The following SMAD1 variants were observed in gnomAD, a reference collection of about 807,000 sequenced individuals.
The protein encoded by SMAD1 is MAD, mothers against decapentaplegic homolog 1.
Under a neutral mutation model 41.6 loss-of-function variants are expected in SMAD1, and 6 were observed. The observed-to-expected ratio is 0.14, with a 90% CI of 0.08 to 0.28. The LOEUF (loss-of-function observed/expected upper bound fraction) is 0.28. Ranked by LOEUF, SMAD1 falls within the 10% of genes least tolerant of loss-of-function variation. The pLI is 1.00. For synonymous variants in SMAD1, 206 were observed against 203.2 expected, an observed-to-expected ratio of 1.01 and a Z score of -0.12; for missense variants, 379 against 582.6, an observed-to-expected ratio of 0.65 and a Z score of 3.60.
intron 2 of SMAD1, among the ~76,000 whole-genome samples, chr4:145,530,144 C>G (rs1731243665): frequency 6.6e-6 from 1 of 152,136 alleles, no homozygotes; most frequent in Non-Finnish European, 1.5e-5. Flanking sequence ...CATTACAGTC[C>G]AGGTGAAGTA....
At chr4:145,515,326 C>A (rs528232407) in intron 2 of SMAD1, among the ~76,000 whole-genome samples, 1 of 152,124 alleles carries the variant, frequency 6.6e-6, no homozygotes, top group African/African-American at 2.4e-5. Context: ...TGTTTTCTTT[C>A]TAAATTTATT....
intron 1 of SMAD1, among the ~76,000 whole-genome samples, chr4:145,496,056 T>C (rs1345413840): frequency 6.6e-6 from 1 of 152,192 alleles, no homozygotes; most frequent in Non-Finnish European, 1.5e-5. Context: ...TAATGTCTTA[T>C]TCTAAGCTCT....
In SMAD1 at chr4:145,482,497, C is replaced by CGCGCCGGCGGGGCGACCCCT. The variant is rs1560715829; in HGVS notation, c.-177+463_-177+482dup. 1 of 151,946 alleles carries CGCGCCGGCGGGGCGACCCCT rather than the reference C, an allele frequency of 6.6e-6. No homozygotes were observed. The allele number at this position is 151,946 out of a possible 1,614,324, so 9.4% of individuals were successfully genotyped here. A position where few individuals can be genotyped will look rare whatever the true frequency, so the allele number is the denominator to read the frequency against. ...TGGCCCGCGGACCCATTGTGTCCCC[C>CGCGCCGGCGGGGCGACCCCT]GCGCCGGCGGGGCGACCCCTGCGGG... On this transcript the variant is annotated intron_variant, in intron 1 of 6. Coordinates refer to ENST00000302085, the MANE Select transcript of SMAD1 (RefSeq NM_005900.3). This position sits in a 1 kb window ranked among gnomAD's most constrained non-coding sequence, Gnocchi z 4.2.
chr4:145,545,460 G>T (rs1732191533), intron 4 of SMAD1: 2 of 152,114 alleles, frequency 1.3e-5, no homozygotes, highest in Non-Finnish European at 2.9e-5. Context: ...TGCTTAGCAA[G>T]CAGGGAAGAT....
In SMAD1 at chr4:145,558,027, G is replaced by A; in HGVS notation, c.*93G>A. On this transcript the variant is annotated 3_prime_UTR_variant, in exon 7 of 7. Transcript: ENST00000302085. ...GACACGATTGAGAACTGACAAAGGA[G>A]CCTTGATAATACTTGACCTCTGTGA... 1 of 903,642 alleles carries A rather than the reference G, an allele frequency of 1.1e-6. No homozygotes were observed. Among genetic ancestry groups the A allele is most frequent in the Non-Finnish European group, 1.6e-6 (1 of 639,922 alleles). 56.0% of individuals were successfully genotyped at this position (903,642 alleles called of 1,614,324 possible).
chr4:145,484,184 C>G (rs994546495), intron 1 of SMAD1, among the ~76,000 whole-genome samples: 1 of 152,182 alleles, frequency 6.6e-6, no homozygotes, highest in Admixed American at 6.5e-5. Context: ...CATGTTTAAG[C>G]TGCAGTAGCC....
intron 1 of SMAD1, among the ~76,000 whole-genome samples, chr4:145,510,693 AGTT>A (rs1016982798): frequency 2.0e-5 from 3 of 152,162 alleles, no homozygotes; most frequent in African/African-American, 7.2e-5. Context: ...TGAATTGTAC[AGTT>A]GTTGAGTGCT....
chr4:145,507,885 A>C (rs919827905), intron 1 of SMAD1, among the ~76,000 whole-genome samples: 17 of 152,230 alleles, frequency 1.1e-4, no homozygotes, highest in Admixed American at 4.6e-4. Flanking sequence ...TCCTTATATG[A>C]GGTAGGTTAC....
Position 145,558,637 on chromosome 4 carries a change from A to T in SMAD1, c.*703A>T, listed in dbSNP as rs1257881975. Among the ~76,000 whole-genome samples the T allele has an allele frequency of 6.6e-6, 1 of 152,170 alleles. No individual in the cohort carries two copies. The highest frequency in any genetic ancestry group is 1.5e-5 in the Non-Finnish European group (1 of 68,034). ...AGGGAAATGACAACTGCAAATGTAG[A>T]CTATACTGTAAAAATTCAGTTTGTT... On this transcript the variant is annotated 3_prime_UTR_variant, in exon 7 of 7. Transcript: ENST00000302085.
rs542032508 is a variant in SMAD1, at chr4:145,527,514, C to T, written c.401-12290C>T. On this transcript the variant is annotated intron_variant, in intron 2 of 6. Coordinates refer to ENST00000302085, the MANE Select transcript of SMAD1 (RefSeq NM_005900.3). ...CTGGGATTACAGGCGTGAGCCACCG[C>T]GCCCGGCCCTATTCTCATTTAATTC... Among the ~76,000 whole-genome samples, 10 of 152,088 alleles carry T rather than the reference C, an allele frequency of 6.6e-5. 1 individual carries two copies. The highest frequency in any genetic ancestry group is 4.1e-4 in the South Asian group (2 of 4,832).
intron 1 of SMAD1, among the ~76,000 whole-genome samples, chr4:145,487,110 G>A (rs1430264623): frequency 6.6e-6 from 1 of 152,110 alleles, no homozygotes; most frequent in Non-Finnish European, 1.5e-5. Flanking sequence ...AGATGGAAAA[G>A]AAAAGCCCTA....
intron 2 of SMAD1, among the ~76,000 whole-genome samples, chr4:145,532,394 T>G (rs1195228467): frequency 6.6e-6 from 1 of 152,104 alleles, no homozygotes; most frequent in Non-Finnish European, 1.5e-5. Flanking sequence ...CATTTTCAAA[T>G]GGGTGGAGAG....
intron 1 of SMAD1, among the ~76,000 whole-genome samples, chr4:145,494,473 C>T (rs2126946338): frequency 6.6e-6 from 1 of 152,252 alleles, no homozygotes; most frequent in South Asian, 2.1e-4. Context: ...ACCTTATTAA[C>T]TCTTTAGACT....
In SMAD1 at chr4:145,542,574, C is replaced by T. The variant is rs1201786660; in HGVS notation, c.659-8C>T. ...GGTTAAGAAATAACTTCTTTAAAAA[C>T]TTTGTAGCTGATACGCCCCCACCTG... is the stretch of plus-strand genomic sequence containing the variant. On this transcript the variant is annotated splice_polypyrimidine_tract_variant and splice_region_variant and intron_variant, in intron 3 of 6. Coordinates refer to ENST00000302085, the MANE Select transcript of SMAD1 (RefSeq NM_005900.3). The T allele has an allele frequency of 1.3e-6, 2 of 1,577,596 alleles. No homozygotes were observed. The highest frequency in any genetic ancestry group is 8.7e-7 in the Non-Finnish European group (1 of 1,155,850).
chr4:145,485,053 A>G (rs1338179495), intron 1 of SMAD1, among the ~76,000 whole-genome samples: 1 of 152,112 alleles, frequency 6.6e-6, no homozygotes, highest in African/African-American at 2.4e-5. Flanking sequence ...AGTCACACGT[A>G]GCTTTTTTTG....
intron 2 of SMAD1, among the ~76,000 whole-genome samples, chr4:145,529,685 A>G (rs1431424987): frequency 6.6e-6 from 1 of 152,248 alleles, no homozygotes. Flanking sequence ...AATCAGGACC[A>G]ATACTGTGTA....
At chr4:145,535,281 C>G (rs1731548628) in intron 2 of SMAD1, among the ~76,000 whole-genome samples, 2 of 152,132 alleles carry the variant, frequency 1.3e-5, no homozygotes, top group South Asian at 4.1e-4. Flanking sequence ...GGGTACTTGA[C>G]AATAACAAAG....
Position 145,539,881 on chromosome 4 carries a change from G to C in SMAD1, c.478G>C (p.Gly160Arg). ...CCTCTTAGCTCAGTTCCGTAACTTA[G>C]GACAAAATGAGCCTCACATGCCACT... is the stretch of plus-strand genomic sequence containing the variant. ...HSLLAQFRNLGQNEPHMPLNA... is the reference protein window; with the variant it reads ...HSLLAQFRNLRQNEPHMPLNA... Residue 160 changes from glycine (G) to arginine (R), a missense_variant, in exon 3 of 7, where the codon GGA becomes CGA. Transcript: ENST00000302085. 6.2e-7 allele frequency: 1 copy of C among 1,613,978 alleles called. No individual in the cohort carries two copies. Among genetic ancestry groups the C allele is most frequent in the Non-Finnish European group, 8.5e-7 (1 of 1,180,002 alleles).
In SMAD1 at chr4:145,482,086, C is replaced by T. The variant is rs1249208980; in HGVS notation, c.-177+48C>T. 1 of 152,164 alleles carries T rather than the reference C, an allele frequency of 6.6e-6. No individual in the cohort carries two copies. The highest frequency in any genetic ancestry group is 1.5e-5 in the Non-Finnish European group (1 of 68,166). 9.4% of individuals were successfully genotyped at this position (152,164 alleles called of 1,614,324 possible). A position where few individuals can be genotyped will look rare whatever the true frequency, so the allele number is the denominator to read the frequency against. ...CGAACTTTCCCTTCATGCCGCGTCCCAGCCCTCCCCTCGGCGCCCCGGGCT... is the reference window on the plus strand; with the variant it reads ...CGAACTTTCCCTTCATGCCGCGTCCTAGCCCTCCCCTCGGCGCCCCGGGCT... On this transcript the variant is annotated intron_variant, in intron 1 of 6. Transcript: ENST00000302085. The surrounding 1 kb of genome is among the most constrained non-coding windows in gnomAD (Gnocchi z 4.2).
Sources: gnomAD v4.1 joint callset for allele counts (sites outside exome capture counted in the v4.1 genomes callset) on GRCh38, gnomAD v4.1.1 for gene constraint, Gnocchi (gnomAD v3.1) non-coding constraint, MANE v1.5 for transcripts, NCBI Gene and HGNC (gene_info 2026-07-23, HGNC 2026-07-21) for gene names.